The following PLA2G7 variants were observed in gnomAD, a reference collection of about 807,000 sequenced individuals.
PLA2G7 encodes platelet-activating factor acetylhydrolase.
Under a neutral mutation model 49.6 loss-of-function variants are expected in PLA2G7, and 63 were observed. That is an observed-to-expected ratio of 1.27 (90% CI 1.04 to 1.57). PLA2G7 has a LOEUF of 1.57. Among genes scored for constraint, PLA2G7 ranks in the 40% most tolerant of loss-of-function variants. The pLI is 0.00. For missense variants in PLA2G7, 596 were observed against 521.2 expected, an observed-to-expected ratio of 1.14 and a Z score of -1.40; for synonymous variants, 193 against 169.9, an observed-to-expected ratio of 1.14 and a Z score of -1.06.
intron 2 of PLA2G7, among the ~76,000 whole-genome samples, chr6:46,717,310 C>A (rs142920525): frequency 1.9e-4 from 29 of 152,274 alleles, no homozygotes; most frequent in African/African-American, 5.3e-4. Context: ...GTAGACATAG[C>A]CTTTCTCTCA....
rs775934416 is a variant in PLA2G7 at position 46,722,932 on chromosome 6, A to G, written c.-34-7T>C. 8.8e-7 allele frequency: 1 copy of G among 1,142,194 alleles called. No homozygotes were observed. The allele number at this position is 1,142,194 out of a possible 1,614,324, so 70.8% of individuals were successfully genotyped here. On this transcript the variant is annotated splice_polypyrimidine_tract_variant and splice_region_variant and intron_variant, in intron 1 of 11. Coordinates refer to ENST00000274793, the MANE Select transcript of PLA2G7 (RefSeq NM_005084.4). ...GCAGTTTCAGCTTAGTCTCCTTCGA[A>G]GCAGATGATTAAAAGAAAAAAGAAG... is the stretch of plus-strand genomic sequence containing the variant.
chr6:46,730,448 A>T (rs1765703075), intron 1 of PLA2G7, among the ~76,000 whole-genome samples: 1 of 152,248 alleles, frequency 6.6e-6, no homozygotes, highest in South Asian at 2.1e-4. Context: ...CAGACAGGTT[A>T]CACTTGATTG....
chr6:46,708,466 C>T (rs560341992), intron 9 of PLA2G7, among the ~76,000 whole-genome samples: 3 of 152,210 alleles, frequency 2.0e-5, no homozygotes, highest in Admixed American at 2.0e-4. Flanking sequence ...ATAATTTCTT[C>T]AACACTGTGG....
chr6:46,731,188 G>T (rs559580734), intron 1 of PLA2G7, among the ~76,000 whole-genome samples: 3 of 152,268 alleles, frequency 2.0e-5, no homozygotes, highest in East Asian at 3.9e-4. Flanking sequence ...TGCGAAGAAC[G>T]TCACTATCCT....
At chr6:46,728,738 C>T (rs1288873794) in intron 1 of PLA2G7, among the ~76,000 whole-genome samples, 3 of 152,220 alleles carry the variant, frequency 2.0e-5, no homozygotes, top group Non-Finnish European at 4.4e-5. Context: ...AACTATATTA[C>T]TCACAATAGT....
At chr6:46,723,422 C>T (rs1270959636) in intron 1 of PLA2G7, among the ~76,000 whole-genome samples, 1 of 151,834 alleles carries the variant, frequency 6.6e-6, no homozygotes, top group African/African-American at 2.4e-5. Flanking sequence ...TTCTATAATC[C>T]TACTATGATA....
At chr6:46,726,222 G>T (rs1202241971) in intron 1 of PLA2G7, among the ~76,000 whole-genome samples, 4 of 152,220 alleles carry the variant, frequency 2.6e-5, no homozygotes, top group Non-Finnish European at 5.9e-5. Flanking sequence ...AAAGGTCAGA[G>T]AGAAAGATTC....
At position 46,726,327 on chromosome 6, in the gene PLA2G7, A is replaced by G. The variant is rs192138413; in HGVS notation, c.-34-3402T>C. Among the ~76,000 whole-genome samples the G allele has an allele frequency of 3.7e-4, 57 of 152,344 alleles. 1 individual carries two copies. The East Asian group carries it at 9.3e-3, about 25-fold the overall frequency. ...ACGGGAGTTATGAGCCAGGAACCATATTAACATGTAATAATCACAATGACC... is the reference window on the plus strand; with the variant it reads ...ACGGGAGTTATGAGCCAGGAACCATGTTAACATGTAATAATCACAATGACC... On this transcript the variant is annotated intron_variant, in intron 1 of 11. Coordinates refer to ENST00000274793, the MANE Select transcript of PLA2G7 (RefSeq NM_005084.4).
At chr6:46,709,772 T>C (rs1278081184) in intron 8 of PLA2G7, among the ~76,000 whole-genome samples, 1 of 152,176 alleles carries the variant, frequency 6.6e-6, no homozygotes, top group Non-Finnish European at 1.5e-5. Context: ...GAGTACCTAC[T>C]CTGTGCCAGG....
rs1198635486 is a variant in PLA2G7 at position 46,714,841 on chromosome 6, T to G, written c.377-288A>C. Among the ~76,000 whole-genome samples, 4 of 150,220 alleles carry G rather than the reference T, an allele frequency of 2.7e-5. No homozygotes were observed. In the East Asian group the frequency reaches 5.9e-4, roughly 22 times the overall value. On this transcript the variant is annotated intron_variant, in intron 4 of 11. Coordinates refer to ENST00000274793, the MANE Select transcript of PLA2G7 (RefSeq NM_005084.4). ...AACTCTGCCTCCCGGGTTCAAGCGA[T>G]TCTCCTGCCTCAGCCTCCCGATTAG...
intron 1 of PLA2G7, 21 bp downstream of exon 1, chr6:46,735,159 G>C (rs952557202): frequency 6.8e-6 from 1 of 146,328 alleles, no homozygotes; most frequent in Non-Finnish European, 1.5e-5. Flanking sequence ...CTCCCGCCTC[G>C]CCCCCGGGGC....
Position 46,724,356 on chromosome 6 carries a change from G to C in PLA2G7, c.-34-1431C>G, listed in dbSNP as rs9395207. 1.1e-4 allele frequency among the ~76,000 whole-genome samples: 16 copies of C among 152,328 alleles called. No homozygotes were observed. The East Asian group carries it at 2.7e-3, about 26-fold the overall frequency. ...GACCTAGAATAGTGCCTGGTGTACA[G>C]AGGCACTCAGTAAATGCCTGCTGAG... On this transcript the variant is annotated intron_variant, in intron 1 of 11. Transcript: ENST00000274793.
chr6:46,721,234 G>A (rs1363804406), intron 2 of PLA2G7, among the ~76,000 whole-genome samples: 2 of 151,506 alleles, frequency 1.3e-5, no homozygotes, highest in African/African-American at 2.4e-5. Flanking sequence ...TTTTAATATA[G>A]ACGGGGTTTC....
chr6:46,710,176 CTCTG>C (rs918923011), intron 8 of PLA2G7, among the ~76,000 whole-genome samples: 3 of 152,158 alleles, frequency 2.0e-5, no homozygotes, highest in Middle Eastern at 3.2e-3. Context: ...ATGCTGCCCA[CTCTG>C]TCTGATATTT....
At chr6:46,723,031 A>C in intron 1 of PLA2G7, 106 bp from the exon 2 acceptor site, 2 of 675,428 alleles carry the variant, frequency 3.0e-6, no homozygotes, top group Non-Finnish European at 5.4e-6. Flanking sequence ...TGGAAAAAAT[A>C]AAACATGTAT....
intron 4 of PLA2G7, among the ~76,000 whole-genome samples, chr6:46,716,103 T>C (rs1765191290): frequency 6.6e-6 from 1 of 152,190 alleles, no homozygotes; most frequent in African/African-American, 2.4e-5. Context: ...CGGTATTGCC[T>C]TCTCCATGGT....
Position 46,727,951 on chromosome 6 carries a change from C to T in PLA2G7, c.-34-5026G>A, listed in dbSNP as rs780468490. Among the ~76,000 whole-genome samples, 5 of 152,216 alleles carry T rather than the reference C, an allele frequency of 3.3e-5. No individual in the cohort carries two copies. In the East Asian group the frequency reaches 7.7e-4, roughly 23 times the overall value. ...ATGTCAGACTTCTGACTTTCAGAAC[C>T]ATGAGATAATAAATTATGTTGCTTT... On this transcript the variant is annotated intron_variant, in intron 1 of 11. Coordinates refer to ENST00000274793, the MANE Select transcript of PLA2G7 (RefSeq NM_005084.4).
intron 2 of PLA2G7, among the ~76,000 whole-genome samples, chr6:46,718,396 A>C (rs1412796569): frequency 6.6e-6 from 1 of 152,236 alleles, no homozygotes; most frequent in South Asian, 2.1e-4. Flanking sequence ...CTATCCTTCC[A>C]GTGCTCTGGG....
At chr6:46,710,084 G>T (rs1294856330) in intron 8 of PLA2G7, among the ~76,000 whole-genome samples, 1 of 152,102 alleles carries the variant, frequency 6.6e-6, no homozygotes, top group Non-Finnish European at 1.5e-5. Context: ...CATTGTATCT[G>T]GAGAACAGAC....
Sources: allele counts gnomAD v4.1 joint callset (sites outside exome capture counted in the v4.1 genomes callset), GRCh38; gene constraint gnomAD v4.1.1; transcripts MANE v1.5; gene names NCBI Gene and HGNC (gene_info 2026-07-23, HGNC 2026-07-21).